Variants in AKAP6 observed in about 807,000 individuals in gnomAD.
The protein encoded by AKAP6 is A-kinase anchor protein 6.
AKAP6 carries 58 observed loss-of-function variants against 188.5 expected under a neutral mutation model. The ratio of observed to expected loss-of-function variants is 0.31; its 90% CI spans 0.25 to 0.38. The LOEUF is 0.38. Among genes scored for constraint, AKAP6 ranks in the 10% least tolerant of loss-of-function variants. AKAP6 has a pLI of 1.00. For missense variants in AKAP6, 2,710 were observed against 2,740.0 expected (o/e 0.99, Z 0.24); for synonymous variants, 989 against 998.6 (o/e 0.99, Z 0.18).
chr14:32,775,667 G>A (rs2033037514), intron 12 of AKAP6, among the ~76,000 whole-genome samples: 1 of 151,948 alleles, frequency 6.6e-6, no homozygotes, highest in Non-Finnish European at 1.5e-5. Context: ...AATTCTTGGC[G>A]ATCCTCCCAC....
chr14:32,643,206 C>G (rs529735136), intron 7 of AKAP6, among the ~76,000 whole-genome samples: 106 of 152,274 alleles, frequency 7.0e-4, no homozygotes, highest in African/African-American at 2.5e-3. Flanking sequence ...AATGGTAAAA[C>G]CCATCTACCA....
At chr14:32,740,055 A>G (rs2046608504) in intron 11 of AKAP6, among the ~76,000 whole-genome samples, 1 of 152,012 alleles carries the variant, frequency 6.6e-6, no homozygotes, top group Admixed American at 6.6e-5. Flanking sequence ...TGTCTTTTGG[A>G]TAAAAGCCAT....
rs149776683 is a variant in AKAP6 at position 32,823,241 on chromosome 14, T to A, written c.5428T>A (p.Leu1810Met). The part of the protein sequence containing the change: ...NELQTWIRPK[L>M]SLTRDKKRCN... ...ATTACAGACCTGGATTAGGCCAAAA[T>A]TGTCTTTGACAAGAGATAAGAAAAG... The change falls in exon 13 of 14, where the codon TTG becomes ATG. Residue 1810 changes from leucine to methionine, a missense_variant. By Grantham distance (15) the Leu-to-Met change is conservative. Around this residue, in one of 2 missense-constraint regions of AKAP6, gnomAD observed 2,473 missense variants for 2,426.1 expected, o/e 1.02. Transcript: ENST00000280979. 2.9e-4 allele frequency: 475 copies of A among 1,613,670 alleles called. 2 individuals are homozygous for A. In the African/African-American group the frequency reaches 5.7e-3, roughly 19 times the overall value.
At chr14:32,437,452 G>A (rs1890418813) in intron 2 of AKAP6, among the ~76,000 whole-genome samples, 1 of 152,146 alleles carries the variant, frequency 6.6e-6, no homozygotes, top group Non-Finnish European at 1.5e-5. Context: ...AAACGTAGTT[G>A]GAAAATGCTT....
intron 2 of AKAP6, among the ~76,000 whole-genome samples, chr14:32,514,057 T>G (rs115419574): frequency 0.013 from 1,922 of 152,314 alleles, 50 homozygotes; most frequent in African/African-American, 0.044. Context: ...ATTATTGCCT[T>G]AGAAAAGAAT....
At chr14:32,470,340 C>A (rs1226432107) in intron 2 of AKAP6, among the ~76,000 whole-genome samples, 1 of 152,158 alleles carries the variant, frequency 6.6e-6, no homozygotes, top group Non-Finnish European at 1.5e-5. Context: ...CCCACCCTAC[C>A]CATCCCTGCC....
chr14:32,450,775 A>C (rs1443406849), intron 2 of AKAP6, among the ~76,000 whole-genome samples: 2 of 152,062 alleles, frequency 1.3e-5, no homozygotes, highest in Admixed American at 1.3e-4. Context: ...TTTTCCTTCT[A>C]AAAAGTAGAA....
At chr14:32,405,289 A>T (rs181984382) in intron 1 of AKAP6, among the ~76,000 whole-genome samples, 73 of 152,038 alleles carry the variant, frequency 4.8e-4, no homozygotes, top group African/African-American at 1.7e-3. Context: ...CTGCTTCTGC[A>T]TGCTCCATAC....
chr14:32,365,632 G>T (rs1359282821), intron 1 of AKAP6, among the ~76,000 whole-genome samples: 3 of 152,118 alleles, frequency 2.0e-5, no homozygotes, highest in African/African-American at 7.2e-5. Flanking sequence ...TGGGCCACTT[G>T]TACCGAAGTC....
At chr14:32,542,952 A>G (rs1177136505) in intron 3 of AKAP6, among the ~76,000 whole-genome samples, 1 of 152,228 alleles carries the variant, frequency 6.6e-6, no homozygotes, top group African/African-American at 2.4e-5. Context: ...TTTATAGGGT[A>G]CAGTGTAATA....
chr14:32,723,170 G>C (rs761570778), intron 9 of AKAP6, among the ~76,000 whole-genome samples: 6 of 152,292 alleles, frequency 3.9e-5, no homozygotes, highest in Middle Eastern at 3.4e-3. Context: ...GAACTCTCCT[G>C]TCTCACTTTT....
intron 12 of AKAP6, among the ~76,000 whole-genome samples, chr14:32,801,358 C>G (rs189640087): frequency 6.6e-6 from 1 of 151,914 alleles, no homozygotes; most frequent in Admixed American, 6.6e-5. Context: ...TAAACAAATC[C>G]GAGTTTACCT....
At chr14:32,794,528 C>A (rs751449641) in intron 12 of AKAP6, among the ~76,000 whole-genome samples, 3 of 152,148 alleles carry the variant, frequency 2.0e-5, no homozygotes, top group Non-Finnish European at 4.4e-5. Context: ...TCACTGCATT[C>A]CAGCCTGGGC....
At chr14:32,628,669 T>C (rs775374316) in intron 7 of AKAP6, among the ~76,000 whole-genome samples, 1 of 152,134 alleles carries the variant, frequency 6.6e-6, no homozygotes, top group East Asian at 1.9e-4. Flanking sequence ...AAACATAATA[T>C]ATATCTCCTT....
intron 2 of AKAP6, among the ~76,000 whole-genome samples, chr14:32,482,340 T>G (rs1397254120): frequency 1.3e-5 from 2 of 152,310 alleles, no homozygotes; most frequent in East Asian, 3.9e-4. Context: ...TTAGCCATTC[T>G]CTAAATATAT....
intron 11 of AKAP6, among the ~76,000 whole-genome samples, chr14:32,748,968 A>G (rs1246426208): frequency 6.6e-6 from 1 of 152,178 alleles, no homozygotes; most frequent in Admixed American, 6.5e-5. Flanking sequence ...ACACATATAC[A>G]CACACAATTA....
At chr14:32,576,937 A>G (rs1884745366) in intron 4 of AKAP6, among the ~76,000 whole-genome samples, 183 bp from the exon 5 acceptor site, 1 of 152,184 alleles carries the variant, frequency 6.6e-6, no homozygotes, top group African/African-American at 2.4e-5. Context: ...CCATTTTGGT[A>G]AGAGTTCAGG....
intron 5 of AKAP6, among the ~76,000 whole-genome samples, chr14:32,585,288 C>T (rs1417564600): frequency 1.3e-5 from 2 of 152,146 alleles, no homozygotes; most frequent in Non-Finnish European, 2.9e-5. Context: ...CAAACCAATA[C>T]CAGACAGCTG....
rs2034592442 is a variant in AKAP6 at position 32,823,617 on chromosome 14, G to A, written c.5804G>A (p.Cys1935Tyr). Residue 1935 changes from cysteine (C) to tyrosine (Y), a missense_variant, in exon 13 of 14, where the codon TGT (cysteine) becomes TAT (tyrosine). Around this residue, in one of 2 missense-constraint regions of AKAP6, gnomAD observed 2,473 missense variants for 2,426.1 expected, o/e 1.02. Coordinates refer to ENST00000280979, the MANE Select transcript of AKAP6 (RefSeq NM_004274.5). ...KEISESEHCK[C>Y]KALMDSLDDS... is the part of the protein sequence containing the mutation. The stretch of plus-strand genomic sequence containing the variant: ...ATTTCAGAGAGTGAGCATTGTAAGT[G>A]TAAAGCACTTATGGATAGTTTAGAT... The A allele has an allele frequency of 1.2e-6, 2 of 1,613,770 alleles. No individual in the cohort carries two copies. Among genetic ancestry groups the A allele is most frequent in the Admixed American group, 3.3e-5 (2 of 59,926 alleles).
Sources: gnomAD v4.1 joint callset for allele counts (sites outside exome capture counted in the v4.1 genomes callset) on GRCh38, gnomAD v4.1.1 for gene constraint, gnomAD v4.1.1 regional missense constraint, MANE v1.5 for transcripts, NCBI Gene and HGNC (gene_info 2026-07-23, HGNC 2026-07-21) for gene names.